Variants in SPACA7 observed in about 807,000 individuals in gnomAD.
The protein encoded by SPACA7 is sperm acrosome associated 7.
SPACA7 carries 19 observed loss-of-function variants against 26.3 expected under a neutral mutation model. The ratio of observed to expected loss-of-function variants is 0.72; its 90% confidence interval spans 0.50 to 1.06. SPACA7 has a LOEUF of 1.06. Ranked by LOEUF, SPACA7 falls within the 50% of genes least tolerant of loss-of-function variation. SPACA7 has a pLI of 0.00. For missense variants in SPACA7, 211 were observed against 229.9 expected (o/e 0.92, Z 0.53); for synonymous variants, 84 against 84.5 (o/e 0.99, Z 0.04).
chr13:112,432,826 C>T (rs1351411906), intron 6 of SPACA7, among the ~76,000 whole-genome samples: 6 of 152,218 alleles, frequency 3.9e-5, no homozygotes, highest in Non-Finnish European at 7.3e-5. Context: ...CCACCACCCA[C>T]CTACTCAAGG....
At chr13:112,406,382 A>G (rs577065198) in intron 5 of SPACA7, among the ~76,000 whole-genome samples, 3 of 152,336 alleles carry the variant, frequency 2.0e-5, no homozygotes, top group African/African-American at 7.2e-5. Context: ...TTCACTTAGC[A>G]TAATGTCTTC....
At chr13:112,419,335 T>C (rs1886879157) in intron 5 of SPACA7, among the ~76,000 whole-genome samples, 1 of 152,140 alleles carries the variant, frequency 6.6e-6, no homozygotes, top group Admixed American at 6.5e-5. Flanking sequence ...ACAAGGGGGC[T>C]TGCACTCACA....
intron 1 of SPACA7, among the ~76,000 whole-genome samples, chr13:112,376,843 G>T (rs1883730320): frequency 1.3e-5 from 2 of 152,090 alleles, no homozygotes; most frequent in African/African-American, 4.8e-5. Context: ...TGTTTGGGGA[G>T]TATTTTAGCA....
chr13:112,383,092 A>C (rs1021272588), intron 1 of SPACA7, among the ~76,000 whole-genome samples: 8 of 58,626 alleles, frequency 1.4e-4, no homozygotes, highest in Non-Finnish European at 2.4e-4. Context: ...AAAAGAAAGA[A>C]AGAAAGAAGA....
chr13:112,417,041 C>T (rs933296525), intron 5 of SPACA7, among the ~76,000 whole-genome samples: 9 of 151,752 alleles, frequency 5.9e-5, no homozygotes, highest in African/African-American at 9.7e-5. Context: ...TGATAGAGAA[C>T]GCTGCTTCAT....
chr13:112,376,773 T>A (rs1419715589), intron 1 of SPACA7, among the ~76,000 whole-genome samples: 1 of 150,308 alleles, frequency 6.7e-6, no homozygotes, highest in East Asian at 2.1e-4. Context: ...ATTGTGCATA[T>A]TTTGTTTTTT....
chr13:112,382,454 T>G, intron 1 of SPACA7: 1 of 1,550,244 alleles, frequency 6.5e-7, no homozygotes, highest in East Asian at 2.4e-5. Context: ...CTGTCAATGC[T>G]CTGGCTTCTT....
chr13:112,416,289 T>TTGTTGTTGTTGTTGTTGTTG (rs34676220), intron 5 of SPACA7, among the ~76,000 whole-genome samples: 13 of 99,854 alleles, frequency 1.3e-4, no homozygotes, highest in Non-Finnish European at 2.2e-4. Flanking sequence ...GTTGTTGTTG[T>TTGTTGTTGTTGTTGTTGTTG]TTGTTGTTGT....
chr13:112,426,458 T>G (rs911328414), intron 5 of SPACA7, among the ~76,000 whole-genome samples: 1 of 152,228 alleles, frequency 6.6e-6, no homozygotes, highest in Non-Finnish European at 1.5e-5. Context: ...CTGCTAGGAT[T>G]TTAATTTGGA....
chr13:112,418,405 T>C (rs1212290684), intron 5 of SPACA7, among the ~76,000 whole-genome samples: 1 of 152,088 alleles, frequency 6.6e-6, no homozygotes, highest in Non-Finnish European at 1.5e-5. Context: ...CTACGACTGC[T>C]AACAAGACTA....
rs1280368594 is a variant in SPACA7, at chr13:112,434,498, T to C, written c.537T>C (p.His179=). 2.5e-6 allele frequency: 4 copies of C among 1,609,920 alleles called. No homozygotes were observed. In the Admixed American group the frequency reaches 6.7e-5, roughly 27 times the overall value. Residue 179 remains histidine (H), a synonymous_variant, in exon 7 of 7, where the codon CAT becomes CAC. Transcript: ENST00000283550. ...NIGRSSGNIF[H]KEQQRTSAQR... ...CTTTCCACACAGGAAACATTTTCCA[T>C]AAAGAGCAGCAGAGGACCAGCGCAC...
chr13:112,392,915 C>G, intron 1 of SPACA7, 106 bp from the exon 2 acceptor site: 1 of 877,396 alleles, frequency 1.1e-6, no homozygotes, highest in South Asian at 1.9e-5. Context: ...GGGCTCCTTC[C>G]TCTAGAGGGG....
At position 112,376,376 on chromosome 13, in the gene SPACA7, TG is replaced by T. The variant is rs1566446526; in HGVS notation, c.-8del. 6.2e-7 allele frequency: 1 copy of T among 1,612,346 alleles called. No homozygotes were observed. Among genetic ancestry groups the T allele is most frequent in the Admixed American group, 1.7e-5 (1 of 59,874 alleles). ...CTTCAGAACGTCCTTCTCCCTCAGC[TG>T]GAGGGAGCATGGCAGTGAGCCAAGG... On this transcript the variant is annotated 5_prime_UTR_variant, in exon 1 of 7. Transcript: ENST00000283550.
chr13:112,422,293 T>G (rs1876065873), intron 5 of SPACA7, among the ~76,000 whole-genome samples: 1 of 152,172 alleles, frequency 6.6e-6, no homozygotes, highest in Admixed American at 6.5e-5. Flanking sequence ...AAAACAAGTA[T>G]GAAGCCAACC....
At chr13:112,415,608 C>G (rs1886641677) in intron 5 of SPACA7, among the ~76,000 whole-genome samples, 1 of 152,126 alleles carries the variant, frequency 6.6e-6, no homozygotes, top group South Asian at 2.1e-4. Context: ...GAGTCTCACT[C>G]TAAGCTACAG....
At chr13:112,397,597 C>T (rs1885356659) in intron 2 of SPACA7, among the ~76,000 whole-genome samples, 2 of 152,192 alleles carry the variant, frequency 1.3e-5, no homozygotes, top group Admixed American at 6.5e-5. Context: ...TCAAGGCTCT[C>T]ATGGTAAAAT....
At chr13:112,429,791 A>G (rs1431888685) in intron 5 of SPACA7, among the ~76,000 whole-genome samples, 1 of 152,070 alleles carries the variant, frequency 6.6e-6, no homozygotes, top group Non-Finnish European at 1.5e-5. Context: ...ATCTTACTTC[A>G]TTATGTGTTA....
At chr13:112,404,575 C>G (rs569344952) in intron 5 of SPACA7, among the ~76,000 whole-genome samples, 1 of 152,156 alleles carries the variant, frequency 6.6e-6, no homozygotes, top group African/African-American at 2.4e-5. Flanking sequence ...CTTTATCCAT[C>G]TTGAGTTGAT....
chr13:112,383,026 A>AAGAGAGAGAGAGAGAAAGAGAG (rs371501039), intron 1 of SPACA7, among the ~76,000 whole-genome samples: 26,035 of 94,848 alleles, frequency 0.27, 4,801 homozygotes, highest in African/African-American at 0.43. Flanking sequence ...GAAAGAAAGA[A>AAGAGAGAGAGAGAGAAAGAGAG]AGAGAGAGAG....
Sources: allele counts gnomAD v4.1 joint callset (sites outside exome capture counted in the v4.1 genomes callset), GRCh38; gene constraint gnomAD v4.1.1; transcripts MANE v1.5; gene names NCBI Gene and HGNC (gene_info 2026-07-23, HGNC 2026-07-21).